ATP6V0A2: variants seen among roughly 807,000 people sequenced by gnomAD.
The protein encoded by ATP6V0A2 is ATPase H+ transporting V0 subunit a2, also known as V-type proton ATPase 116 kDa subunit a 2.
In ATP6V0A2, 58 loss-of-function variants were observed where a neutral mutation model predicts 104.4. The ratio of observed to expected loss-of-function variants is 0.56; its 90% CI spans 0.45 to 0.69. The LOEUF (loss-of-function observed/expected upper bound fraction) is 0.69. ATP6V0A2 is among the 30% of genes least tolerant of loss of function. The probability of loss-of-function intolerance (pLI) is 0.00; values close to 1 mark genes in which losing one functional copy is unlikely to be tolerated. For missense variants in ATP6V0A2, 938 were observed against 1,062.9 expected (o/e 0.88, Z 1.63); for synonymous variants, 376 against 397.9 (o/e 0.95, Z 0.65).
In ATP6V0A2 at chr12:123,759,608, T is replaced by A. The variant is rs1021709468; in HGVS notation, c.*1576T>A. On this transcript the variant is annotated 3_prime_UTR_variant, in exon 20 of 20. Coordinates refer to ENST00000330342, the MANE Select transcript of ATP6V0A2 (RefSeq NM_012463.4). Reference sequence around the variant, plus strand: ...TTCACCTTCTTGACATTGTGAGTGATACACGTTAAAAGGCTATTTGCCCGC... The same window carrying A: ...TTCACCTTCTTGACATTGTGAGTGAAACACGTTAAAAGGCTATTTGCCCGC... 7 of 152,226 alleles carry A rather than the reference T, an allele frequency of 4.6e-5. No individual in the cohort carries two copies. The highest frequency in any genetic ancestry group is 1.0e-4 in the Non-Finnish European group (7 of 68,042). The allele number at this position is 152,226 out of a possible 1,614,324, so 9.4% of individuals were successfully genotyped here.
At chr12:123,733,690 C>G (rs137963641) in intron 6 of ATP6V0A2, 3 of 527,548 alleles carry the variant, frequency 5.7e-6, no homozygotes, top group African/African-American at 3.8e-5. Context: ...CCTGGGAACG[C>G]GGGTGTCGGG....
chr12:123,742,918 A>C (rs1371044882), intron 9 of ATP6V0A2, among the ~76,000 whole-genome samples: 1 of 152,178 alleles, frequency 6.6e-6, no homozygotes, highest in East Asian at 1.9e-4. Context: ...AAGTGTTTTC[A>C]TTATAAATCA....
intron 2 of ATP6V0A2, among the ~76,000 whole-genome samples, chr12:123,720,406 A>G (rs1156986785): frequency 6.6e-6 from 1 of 152,246 alleles, no homozygotes; most frequent in African/African-American, 2.4e-5. Context: ...CTGTTTCAAA[A>G]GAATGCAGGG....
intron 1 of ATP6V0A2, among the ~76,000 whole-genome samples, 183 bp from the exon 2 acceptor site, chr12:123,718,440 G>C (rs955529916): frequency 6.6e-6 from 1 of 152,090 alleles, no homozygotes; most frequent in Admixed American, 6.6e-5. Flanking sequence ...GGCCCGGCTG[G>C]ATTTTCAGGC....
At position 123,751,620 on chromosome 12, in the gene ATP6V0A2, C is replaced by T. The variant is rs551665584; in HGVS notation, c.2055+391C>T. 6.8e-4 allele frequency among the ~76,000 whole-genome samples: 103 copies of T among 152,056 alleles called. 3 individuals carry two copies. The highest frequency in any genetic ancestry group is 2.3e-3 in the African/African-American group (97 of 41,476). Reference sequence around the variant, plus strand: ...AGTGAGTTGTGATCACGCCACTGCACTCCAGCCTGGGCAACAGAGCAAGAC... The same window carrying T: ...AGTGAGTTGTGATCACGCCACTGCATTCCAGCCTGGGCAACAGAGCAAGAC... On this transcript the variant is annotated intron_variant, in intron 16 of 19. Transcript: ENST00000330342.
At chr12:123,742,525 T>C (rs1000830898) in intron 9 of ATP6V0A2, among the ~76,000 whole-genome samples, 1 of 152,140 alleles carries the variant, frequency 6.6e-6, no homozygotes, top group Admixed American at 6.5e-5. Context: ...AGAACCCCAT[T>C]ACATGCATAC....
At chr12:123,738,492 C>G (rs1440816515) in intron 9 of ATP6V0A2, among the ~76,000 whole-genome samples, 1 of 152,086 alleles carries the variant, frequency 6.6e-6, no homozygotes, top group African/African-American at 2.4e-5. Context: ...CTTTTTCTTA[C>G]CAATTTCTGT....
Position 123,722,001 on chromosome 12 carries a change from C to T in ATP6V0A2, c.197-350C>T, listed in dbSNP as rs542086715. Among the ~76,000 whole-genome samples the T allele has an allele frequency of 4.7e-4, 71 of 152,184 alleles. 1 individual carries two copies. In the South Asian group the frequency reaches 0.013, roughly 28 times the overall value. ...TTCATTCTGCCCCTGTAGATGGCTG[C>T]GACTCAAAAGTTCTTTCACTAGAAT... On this transcript the variant is annotated intron_variant, in intron 2 of 19. Transcript: ENST00000330342.
Position 123,735,526 on chromosome 12 carries a change from T to A in ATP6V0A2, c.732-5T>A, listed in dbSNP as rs766602092. On this transcript the variant is annotated splice_polypyrimidine_tract_variant and splice_region_variant and intron_variant, in intron 7 of 19. Coordinates refer to ENST00000330342, the MANE Select transcript of ATP6V0A2 (RefSeq NM_012463.4). ...GTGAGACTGTGTTCAACTCTTGTCT[T>A]CCAGCTACCACTGCCACGTGTACCC... The A allele has an allele frequency of 1.2e-6, 2 of 1,613,524 alleles. No homozygotes were observed. The highest frequency in any genetic ancestry group is 1.7e-6 in the Non-Finnish European group (2 of 1,179,548).
intron 8 of ATP6V0A2, among the ~76,000 whole-genome samples, chr12:123,736,444 G>A (rs909004267): frequency 1.3e-5 from 2 of 150,858 alleles, no homozygotes; most frequent in African/African-American, 2.4e-5. Context: ...CACCCGCCTC[G>A]GCCTCCCAGA....
intron 9 of ATP6V0A2, among the ~76,000 whole-genome samples, chr12:123,739,172 C>T (rs185135564): frequency 9.8e-5 from 15 of 152,318 alleles, no homozygotes; most frequent in Non-Finnish European, 1.8e-4. Context: ...TTGAGAGCTG[C>T]GTATTAAGGT....
intron 4 of ATP6V0A2, 50 bp from the exon 5 acceptor site, chr12:123,726,147 A>G (rs1166531730): frequency 1.4e-6 from 2 of 1,402,768 alleles, no homozygotes; most frequent in Non-Finnish European, 2.0e-6. Flanking sequence ...CATGAGAAAT[A>G]AAGTGTCACT....
intron 1 of ATP6V0A2, among the ~76,000 whole-genome samples, chr12:123,717,145 T>G (rs1159685543): frequency 6.6e-6 from 1 of 151,680 alleles, no homozygotes; most frequent in East Asian, 1.9e-4. Context: ...TGAAACCCCA[T>G]CTCTACTAAA....
Position 123,744,525 on chromosome 12 carries a change from G to C in ATP6V0A2, c.1327-72G>C, listed in dbSNP as rs191225192. 10 of 1,590,268 alleles carry C rather than the reference G, an allele frequency of 6.3e-6. No homozygotes were observed. Among genetic ancestry groups the C allele is most frequent in the Non-Finnish European group, 8.6e-7 (1 of 1,162,258 alleles). ...TTCTGAGAAGTGAGTGGTGAGGGTCGTGCCCACACCGACAGCTGTCACATG... is the reference window on the plus strand; with the variant it reads ...TTCTGAGAAGTGAGTGGTGAGGGTCCTGCCCACACCGACAGCTGTCACATG... On this transcript the variant is annotated intron_variant, in intron 11 of 19. Coordinates refer to ENST00000330342, the MANE Select transcript of ATP6V0A2 (RefSeq NM_012463.4). The surrounding 1 kb of genome is among the most constrained non-coding windows in gnomAD (Gnocchi z 5.4).
chr12:123,758,155 A>C lies in ATP6V0A2; in HGVS notation c.*123A>C, dbSNP rs1259573435. ...TCATTACTGCCTTATGACATAGCCA[A>C]ATAATTCTGTAAGATATACCTCTTC... On this transcript the variant is annotated 3_prime_UTR_variant, in exon 20 of 20. Transcript: ENST00000330342. 1.5e-6 allele frequency: 1 copy of C among 681,940 alleles called. No homozygotes were observed. The highest frequency in any genetic ancestry group is 2.6e-6 in the Non-Finnish European group (1 of 384,606). 42.2% of individuals were successfully genotyped at this position (681,940 alleles called of 1,614,324 possible). A position where few individuals can be genotyped will look rare whatever the true frequency, so the allele number is the denominator to read the frequency against.
intron 8 of ATP6V0A2, among the ~76,000 whole-genome samples, chr12:123,736,488 G>A (rs963424118): frequency 1.1e-4 from 16 of 152,064 alleles, no homozygotes; most frequent in Admixed American, 5.9e-4. Flanking sequence ...TACCGCCCCC[G>A]GTCTGGATTG....
chr12:123,746,320 A>G (rs1433246354), intron 13 of ATP6V0A2, among the ~76,000 whole-genome samples: 3 of 152,190 alleles, frequency 2.0e-5, no homozygotes, highest in Admixed American at 6.5e-5. Flanking sequence ...CGTTATACAT[A>G]TAAAATACGT....
At chr12:123,749,226 CT>C (rs970041571) in intron 15 of ATP6V0A2, among the ~76,000 whole-genome samples, 1 of 152,134 alleles carries the variant, frequency 6.6e-6, no homozygotes, top group African/African-American at 2.4e-5. Context: ...GAGGTCCAGG[CT>C]GCAGTGAGCC....
At chr12:123,757,063 T>A in intron 19 of ATP6V0A2, 77 bp downstream of exon 19, 1 of 1,475,894 alleles carries the variant, frequency 6.8e-7, no homozygotes, top group Non-Finnish European at 9.4e-7. Context: ...CAACCAAATA[T>A]ACACAGCCCC....
Sources: allele counts gnomAD v4.1 joint callset (sites outside exome capture counted in the v4.1 genomes callset), GRCh38; gene constraint gnomAD v4.1.1; non-coding constraint Gnocchi (gnomAD v3.1); transcripts MANE v1.5; gene names NCBI Gene and HGNC (gene_info 2026-07-23, HGNC 2026-07-21).